The following TDRP variants were observed in gnomAD, a reference collection of about 807,000 sequenced individuals.
TDRP encodes the protein testis development-related protein.
In TDRP, 12 loss-of-function variants were observed where a neutral mutation model predicts 10.5. That is an observed-to-expected ratio of 1.15 (90% CI 0.73 to 1.86). The LOEUF (loss-of-function observed/expected upper bound fraction) is 1.86, where lower values mean the gene tolerates loss of function less well. TDRP is among the 40% of genes most tolerant of loss of function. TDRP has a pLI of 0.00. For missense variants in TDRP, 353 were observed against 229.2 expected (o/e 1.54, Z -3.49); for synonymous variants, 139 against 95.4 (o/e 1.46, Z -2.67).
intron 1 of TDRP, among the ~76,000 whole-genome samples, chr8:499,280 G>A (rs1311632621): frequency 2.0e-5 from 3 of 152,142 alleles, no homozygotes; most frequent in Non-Finnish European, 4.4e-5. Flanking sequence ...TACCCAGGCT[G>A]GTGGCCTGGC....
intron 1 of TDRP, among the ~76,000 whole-genome samples, chr8:542,231 G>T (rs1292256353): frequency 6.6e-6 from 1 of 152,154 alleles, no homozygotes; most frequent in Non-Finnish European, 1.5e-5. Context: ...AAAGATCAAT[G>T]TTTGCCAGGG....
chr8:510,059 G>T (rs1801572180), intron 1 of TDRP, among the ~76,000 whole-genome samples: 1 of 152,164 alleles, frequency 6.6e-6, no homozygotes, highest in African/African-American at 2.4e-5. Flanking sequence ...ACAGAGCTGT[G>T]CCCACTCCCC....
intron 1 of TDRP, among the ~76,000 whole-genome samples, chr8:534,561 G>A (rs1268518834): frequency 6.6e-6 from 1 of 152,160 alleles, no homozygotes; most frequent in African/African-American, 2.4e-5. Context: ...ACTAGCCAGT[G>A]CTTTAGCACT....
At chr8:542,215 C>T (rs1018562682) in intron 1 of TDRP, among the ~76,000 whole-genome samples, 6 of 152,110 alleles carry the variant, frequency 3.9e-5, no homozygotes, top group Admixed American at 3.3e-4. Flanking sequence ...ACTATGGCGA[C>T]AGTACAAAGA....
rs879427057 is a variant in TDRP, at chr8:544,700, C to A, written c.58G>T (p.Gly20Cys). ...LLDEPPEEEDGLRGGPPPAAA... is the reference protein window; with the variant it reads ...LLDEPPEEEDCLRGGPPPAAA... ...GCCGGTGGCGGCCCCCCACGCAGGC[C>A]GTCCTCCTCCTCGGGGGGCTCGTCC... is the stretch of plus-strand genomic sequence containing the variant. Residue 20 changes from glycine (G) to cysteine (C), a missense_variant, in exon 1 of 3, where the codon GGC becomes TGC. By Grantham distance (159) the Gly-to-Cys change is radical (BLOSUM62 -3). Transcript: ENST00000324079. The A allele has an allele frequency of 1.6e-6, 2 of 1,245,956 alleles. No homozygotes were observed. The highest frequency in any genetic ancestry group is 2.0e-6 in the Non-Finnish European group (2 of 995,876). 77.2% of individuals were successfully genotyped at this position (1,245,956 alleles called of 1,614,324 possible). A position where few individuals can be genotyped will look rare whatever the true frequency, so the allele number is the denominator to read the frequency against.
At chr8:536,970 A>G (rs796394729) in intron 1 of TDRP, among the ~76,000 whole-genome samples, 6 of 152,272 alleles carry the variant, frequency 3.9e-5, no homozygotes, top group African/African-American at 7.2e-5. Flanking sequence ...TGAGAGTCCA[A>G]TGAGACTAAC....
chr8:507,660 G>A (rs1235072686), intron 1 of TDRP, among the ~76,000 whole-genome samples: 1 of 152,178 alleles, frequency 6.6e-6, no homozygotes, highest in Non-Finnish European at 1.5e-5. Context: ...ACTGGGGGCA[G>A]GGTGGAGAAT....
rs2116699663 is a variant in TDRP, at chr8:491,480, AAAAAC to A, written c.*914_*918del. ...ACCGGTCGTCGATTATTCTTGTGGA[AAAAAC>A]ACAGCTTCTTACAGATCTAACACCA... On this transcript the variant is annotated 3_prime_UTR_variant, in exon 3 of 3. Coordinates refer to ENST00000324079, the MANE Select transcript of TDRP (RefSeq NM_001384899.1). 1.1e-6 allele frequency: 1 copy of A among 871,594 alleles called. No individual in the cohort carries two copies. The highest frequency in any genetic ancestry group is 3.1e-5 in the East Asian group (1 of 32,718). The allele number at this position is 871,594 out of a possible 1,614,324, so 54.0% of individuals were successfully genotyped here. A position where few individuals can be genotyped will look rare whatever the true frequency, so the allele number is the denominator to read the frequency against.
chr8:526,337 T>C (rs952401912), intron 1 of TDRP, among the ~76,000 whole-genome samples: 1 of 152,178 alleles, frequency 6.6e-6, no homozygotes, highest in Non-Finnish European at 1.5e-5. Flanking sequence ...GTCAGTATGA[T>C]ACTAGCTATG....
In TDRP at chr8:491,383, C is replaced by A; in HGVS notation, c.*1016G>T. On this transcript the variant is annotated 3_prime_UTR_variant, in exon 3 of 3. Coordinates refer to ENST00000324079, the MANE Select transcript of TDRP (RefSeq NM_001384899.1). Reference sequence around the variant, plus strand: ...ACCTTCCAGGGACGCATAACTGGCACCTGATACTGTGCAGGATCACATTGT... The same window carrying A: ...ACCTTCCAGGGACGCATAACTGGCAACTGATACTGTGCAGGATCACATTGT... 1 of 388,864 alleles carries A rather than the reference C, an allele frequency of 2.6e-6. No individual in the cohort carries two copies. The highest frequency in any genetic ancestry group is 1.2e-4 in the South Asian group (1 of 8,354). The allele number at this position is 388,864 out of a possible 1,614,324, so 24.1% of individuals were successfully genotyped here. A position where few individuals can be genotyped will look rare whatever the true frequency, so the allele number is the denominator to read the frequency against.
Position 492,739 on chromosome 8 carries a change from T to A in TDRP, c.218A>T (p.Asn73Ile), listed in dbSNP as rs776039425. The A allele has an allele frequency of 6.2e-7, 1 of 1,610,010 alleles. No homozygotes were observed. Among genetic ancestry groups the A allele is most frequent in the South Asian group, 1.1e-5 (1 of 90,426 alleles). Reference sequence around the variant, plus strand: ...CTTCAACTCTTCTTTTAATCGTAAGTTAGTTCTATAGGAGATGAAAGAGTT... The same window carrying A: ...CTTCAACTCTTCTTTTAATCGTAAGATAGTTCTATAGGAGATGAAAGAGTT... ...RCKSPKSKGT[N>I]LRLKEELKAE... The change falls in exon 3 of 3, where the codon AAC becomes ATC. Residue 73 changes from asparagine to isoleucine, a missense_variant. Coordinates refer to ENST00000324079, the MANE Select transcript of TDRP (RefSeq NM_001384899.1).
intron 1 of TDRP, among the ~76,000 whole-genome samples, chr8:515,952 A>G (rs1035325493): frequency 6.6e-6 from 1 of 152,232 alleles, no homozygotes; most frequent in Non-Finnish European, 1.5e-5. Context: ...CAGTTAGACA[A>G]TAGAAAAAGA....
At chr8:499,711 G>C (rs956448062) in intron 1 of TDRP, among the ~76,000 whole-genome samples, 5 of 152,212 alleles carry the variant, frequency 3.3e-5, no homozygotes, top group African/African-American at 1.2e-4. Context: ...AGATATCTCG[G>C]TCTTCACCTG....
intron 1 of TDRP, among the ~76,000 whole-genome samples, chr8:500,326 A>G (rs1343997475): frequency 6.6e-6 from 1 of 152,228 alleles, no homozygotes; most frequent in Non-Finnish European, 1.5e-5. Flanking sequence ...AAAAATGTGC[A>G]GAGAGGCCAG....
rs536538724 is a variant in TDRP, at chr8:531,111, T to C, written c.108+13539A>G. Among the ~76,000 whole-genome samples the C allele has an allele frequency of 2.8e-4, 42 of 152,238 alleles. 1 individual carries two copies. The highest frequency in any genetic ancestry group is 2.4e-3 in the Admixed American group (37 of 15,300). On this transcript the variant is annotated intron_variant, in intron 1 of 2. Coordinates refer to ENST00000324079, the MANE Select transcript of TDRP (RefSeq NM_001384899.1). ...ACTTTCTACCCAGCAGAGAGTTGGGTGTTTACTACCAATCATGCCAAGCTG... is the reference window on the plus strand; with the variant it reads ...ACTTTCTACCCAGCAGAGAGTTGGGCGTTTACTACCAATCATGCCAAGCTG...
At chr8:494,272 A>T (rs1801068568) in intron 2 of TDRP, among the ~76,000 whole-genome samples, 1 of 152,010 alleles carries the variant, frequency 6.6e-6, no homozygotes, top group Non-Finnish European at 1.5e-5. Context: ...ATTTCTGTTT[A>T]TTCACAAGGG....
At chr8:499,119 G>A (rs1193086749) in intron 1 of TDRP, among the ~76,000 whole-genome samples, 1 of 152,232 alleles carries the variant, frequency 6.6e-6, no homozygotes, top group African/African-American at 2.4e-5. Context: ...AAATCAACAG[G>A]AAATGAGAAT....
At chr8:493,993 G>GTTTTTTTTTTTTTTTTT (rs68057437) in intron 2 of TDRP, among the ~76,000 whole-genome samples, 2 of 106,528 alleles carry the variant, frequency 1.9e-5, no homozygotes, top group Non-Finnish European at 1.9e-5. Flanking sequence ...CATTTCTGTT[G>GTTTTTTTTTTTTTTTTT]TTTTTTTTTT....
chr8:538,391 C>G (rs1025638715), intron 1 of TDRP, among the ~76,000 whole-genome samples: 1 of 152,170 alleles, frequency 6.6e-6, no homozygotes, highest in African/African-American at 2.4e-5. Flanking sequence ...AGTCTGTTGG[C>G]AGCTGTGTAG....
Sources: gnomAD v4.1 joint callset for allele counts (sites outside exome capture counted in the v4.1 genomes callset) on GRCh38, gnomAD v4.1.1 for gene constraint, MANE v1.5 for transcripts, NCBI Gene and HGNC (gene_info 2026-07-23, HGNC 2026-07-21) for gene names.